The following ARHGAP20 variants were observed in gnomAD, a reference collection of about 807,000 sequenced individuals.
The protein encoded by ARHGAP20 is Rho GTPase activating protein 20.
ARHGAP20 carries 34 observed loss-of-function variants against 73.7 expected under a neutral mutation model. The observed-to-expected ratio is 0.46, with a 90% CI of 0.35 to 0.61. The LOEUF is 0.61. ARHGAP20 is among the 20% of genes least tolerant of loss of function. The pLI, the probability that ARHGAP20 is intolerant of heterozygous loss-of-function variation, is 0.00. For synonymous variants in ARHGAP20, 523 were observed against 518.2 expected (o/e 1.01, Z -0.13); for missense variants, 1,314 against 1,420.9 (o/e 0.92, Z 1.21).
intron 1 of ARHGAP20, 58 bp downstream of exon 1, chr11:110,712,069 G>A (rs941669662): frequency 8.0e-7 from 1 of 1,250,708 alleles, no homozygotes; most frequent in Non-Finnish European, 1.0e-6. Context: ...CGGAGGGCGC[G>A]CGCCGGCAGT....
In ARHGAP20 at chr11:110,580,755, A is replaced by G. The variant is rs747115707; in HGVS notation, c.2191T>C (p.Cys731Arg). 2 of 1,614,144 alleles carry G rather than the reference A, an allele frequency of 1.2e-6. No individual in the cohort carries two copies. The highest frequency in any genetic ancestry group is 2.2e-5 in the South Asian group (2 of 91,078). Residue 731 changes from cysteine to arginine, a missense_variant, in exon 15 of 15, where the codon TGT (cysteine) becomes CGT (arginine). By Grantham distance (180) the Cys-to-Arg change is radical (BLOSUM62 -3). This residue lies in a region of ARHGAP20 where 641 missense variants were observed against 636.9 expected (regional missense o/e 1.01). Transcript: ENST00000683387. Reference sequence around the variant, plus strand: ...TCTTTTTGAGAAAGAATTGCATCACAGCTGGACTTGCGTAGCTTTTTCTGA... The same window carrying G: ...TCTTTTTGAGAAAGAATTGCATCACGGCTGGACTTGCGTAGCTTTTTCTGA... Reference protein sequence around the residue: ...FYQKKLRKSSCDAILSQKDED... With the variant: ...FYQKKLRKSSRDAILSQKDED...
chr11:110,612,631 G>C (rs985683832), intron 6 of ARHGAP20, among the ~76,000 whole-genome samples: 3 of 151,926 alleles, frequency 2.0e-5, no homozygotes, highest in Admixed American at 6.6e-5. Flanking sequence ...GACAGAGAAG[G>C]ATTAAATAGC....
intron 2 of ARHGAP20, among the ~76,000 whole-genome samples, chr11:110,657,597 G>T (rs1421748678): frequency 1.3e-5 from 2 of 152,096 alleles, no homozygotes; most frequent in Admixed American, 6.6e-5. Context: ...ACAGACCTTA[G>T]AAATGTCTAG....
Position 110,639,099 on chromosome 11 carries a change from T to G in ARHGAP20, c.189-8307A>C, listed in dbSNP as rs1007625587. On this transcript the variant is annotated intron_variant, in intron 2 of 14. Transcript: ENST00000683387. Reference sequence around the variant, plus strand: ...CAAATAACTGAGCATCTATATGTACTGTCTAGACACTGTGCTATATTAACA... The same window carrying G: ...CAAATAACTGAGCATCTATATGTACGGTCTAGACACTGTGCTATATTAACA... Among the ~76,000 whole-genome samples the G allele has an allele frequency of 2.0e-5, 3 of 152,118 alleles. No individual in the cohort carries two copies. The East Asian group carries it at 5.8e-4, about 29-fold the overall frequency.
intron 2 of ARHGAP20, among the ~76,000 whole-genome samples, chr11:110,672,146 T>C (rs546645865): frequency 1.3e-5 from 2 of 152,270 alleles, no homozygotes; most frequent in African/African-American, 4.8e-5. Flanking sequence ...CTTTACAGCT[T>C]TATAGAAAAA....
chr11:110,701,699 G>A (rs984053315), intron 1 of ARHGAP20, among the ~76,000 whole-genome samples: 5 of 152,004 alleles, frequency 3.3e-5, no homozygotes, highest in African/African-American at 9.7e-5. Flanking sequence ...TTTCTTCTAG[G>A]GTTTTTATGG....
intron 2 of ARHGAP20, among the ~76,000 whole-genome samples, chr11:110,658,396 T>C (rs1189280799): frequency 6.6e-6 from 1 of 152,176 alleles, no homozygotes; most frequent in African/African-American, 2.4e-5. Flanking sequence ...TGTCTCCCTG[T>C]GGCTCGAGAA....
intron 2 of ARHGAP20, among the ~76,000 whole-genome samples, chr11:110,678,422 C>G (rs1949975377): frequency 6.6e-6 from 1 of 152,074 alleles, no homozygotes; most frequent in Admixed American, 6.6e-5. Flanking sequence ...GTTGTCTGGC[C>G]CCTTTTTCAA....
chr11:110,579,696 T>C lies in ARHGAP20; in HGVS notation c.3250A>G (p.Asn1084Asp). Residue 1084 changes from asparagine to aspartate, a missense_variant, in exon 15 of 15, where the codon AAC (asparagine) becomes GAC (aspartate). Around this residue, in one of 3 missense-constraint regions of ARHGAP20, gnomAD observed 641 missense variants for 636.9 expected, o/e 1.01. Transcript: ENST00000683387. Reference sequence around the variant, plus strand: ...TCTTTTTGTTCCTCTTGCAGTGAGTTGGCTTCTGGAACACCAGAAGCATGT... The same window carrying C: ...TCTTTTTGTTCCTCTTGCAGTGAGTCGGCTTCTGGAACACCAGAAGCATGT... ...PPHASGVPEA[N>D]SLQEEQKDLP... 6.2e-7 allele frequency: 1 copy of C among 1,614,226 alleles called. No homozygotes were observed. The highest frequency in any genetic ancestry group is 8.5e-7 in the Non-Finnish European group (1 of 1,180,024).
At chr11:110,615,690 C>G in intron 4 of ARHGAP20, 96 bp from the exon 5 acceptor site, 1 of 1,095,022 alleles carries the variant, frequency 9.1e-7, no homozygotes, top group Non-Finnish European at 1.4e-6. Context: ...ATATCAACAA[C>G]CTGTTGTTAC....
chr11:110,702,990 A>G (rs1051892817), intron 1 of ARHGAP20, among the ~76,000 whole-genome samples: 5 of 152,190 alleles, frequency 3.3e-5, no homozygotes, highest in African/African-American at 2.4e-5. Flanking sequence ...TGCCATCCCC[A>G]TCAAGCTACC....
chr11:110,676,576 A>G (rs1293910674), intron 2 of ARHGAP20, among the ~76,000 whole-genome samples: 5 of 152,180 alleles, frequency 3.3e-5, no homozygotes, highest in Admixed American at 2.6e-4. Flanking sequence ...CCCTCCCATG[A>G]CATGTGGGGA....
At position 110,668,087 on chromosome 11, in the gene ARHGAP20, A is replaced by G. The variant is rs532121332; in HGVS notation, c.188+22460T>C. Among the ~76,000 whole-genome samples, 12 of 152,360 alleles carry G rather than the reference A, an allele frequency of 7.9e-5. No individual in the cohort carries two copies. The East Asian group carries it at 1.3e-3, about 17-fold the overall frequency. ...TGAGAGGACTGACTTCAATTTTGAA[A>G]GAAGTTCTGTGGGAAAAATGCTATC... On this transcript the variant is annotated intron_variant, in intron 2 of 14. Coordinates refer to ENST00000683387, the MANE Select transcript of ARHGAP20 (RefSeq NM_001384657.1).
chr11:110,581,086 G>A lies in ARHGAP20; in HGVS notation c.1860C>T (p.Leu620=), dbSNP rs747588269. ...CGGGCTGGTCAAGATCATAGTCACT[G>A]AGGGTTAAGACAGAGTCCATGCTTC... ...GSRSMDSVLT[L]SDYDLDQPEV... Residue 620 remains leucine, a synonymous_variant, in exon 15 of 15, where the codon CTC becomes CTT. Coordinates refer to ENST00000683387, the MANE Select transcript of ARHGAP20 (RefSeq NM_001384657.1). The A allele has an allele frequency of 1.2e-6, 2 of 1,614,096 alleles. No individual in the cohort carries two copies. Among genetic ancestry groups the A allele is most frequent in the African/African-American group, 2.7e-5 (2 of 74,928 alleles).
Position 110,606,709 on chromosome 11 carries a change from T to G in ARHGAP20, c.816A>C (p.Arg272=), listed in dbSNP as rs1948240548. ...YPYGIKMSHL[R]DSALLTPGSK... is the part of the protein sequence containing the mutation. ...ATCCCGGTGTCAGGAGTGCAGAGTCTCGAAGATGGCTCATTTTAATTCCAT... is the reference window on the plus strand; with the variant it reads ...ATCCCGGTGTCAGGAGTGCAGAGTCGCGAAGATGGCTCATTTTAATTCCAT... The change falls in exon 9 of 15, where the codon CGA becomes CGC. Residue 272 remains arginine, a synonymous_variant. Transcript: ENST00000683387. 6.3e-7 allele frequency: 1 copy of G among 1,584,072 alleles called. No individual in the cohort carries two copies. Among genetic ancestry groups the G allele is most frequent in the African/African-American group, 1.4e-5 (1 of 72,952 alleles).
Position 110,582,314 on chromosome 11 carries a change from A to C in ARHGAP20, c.1720+7T>G, listed in dbSNP as rs780622697. ...CTCACAAAAACCAATCCAATTATTC[A>C]CAATACCTGAGGCATTCTCTCTAGT... On this transcript the variant is annotated splice_region_variant and intron_variant, in intron 14 of 14. Transcript: ENST00000683387. The C allele has an allele frequency of 4.4e-6, 7 of 1,591,498 alleles. No homozygotes were observed. The highest frequency in any genetic ancestry group is 6.0e-6 in the Non-Finnish European group (7 of 1,159,716).
intron 1 of ARHGAP20, among the ~76,000 whole-genome samples, chr11:110,701,968 C>A (rs1225949820): frequency 6.6e-6 from 1 of 152,180 alleles, no homozygotes; most frequent in Non-Finnish European, 1.5e-5. Flanking sequence ...CAGTACCATG[C>A]TGTTTTGGTA....
At chr11:110,655,734 G>C (rs1425860850) in intron 2 of ARHGAP20, among the ~76,000 whole-genome samples, 1 of 152,054 alleles carries the variant, frequency 6.6e-6, no homozygotes, top group African/African-American at 2.4e-5. Flanking sequence ...TCTTTAATCT[G>C]GGAGCTCCTT....
intron 6 of ARHGAP20, among the ~76,000 whole-genome samples, chr11:110,613,605 A>G (rs1356095742): frequency 6.6e-6 from 1 of 152,192 alleles, no homozygotes; most frequent in East Asian, 1.9e-4. Context: ...GAAATCCTGA[A>G]TGTAACCAAC....
Sources: gnomAD v4.1 joint callset for allele counts (sites outside exome capture counted in the v4.1 genomes callset) on GRCh38, gnomAD v4.1.1 for gene constraint, gnomAD v4.1.1 regional missense constraint, MANE v1.5 for transcripts, NCBI Gene and HGNC (gene_info 2026-07-23, HGNC 2026-07-21) for gene names.